Variants in CAMTA1 observed in about 807,000 individuals in gnomAD.
The protein encoded by CAMTA1 is calmodulin-binding transcription activator 1.
A neutral mutation model predicts 170.9 loss-of-function variants in CAMTA1; 27 were observed. The observed-to-expected ratio is 0.16, with a 90% CI of 0.12 to 0.22. The LOEUF (loss-of-function observed/expected upper bound fraction) is 0.22. Ranked by LOEUF, CAMTA1 falls within the 10% of genes least tolerant of loss-of-function variation. The pLI, the probability that CAMTA1 is intolerant of heterozygous loss-of-function variation, is 1.00. For synonymous variants in CAMTA1, 833 were observed against 891.5 expected (o/e 0.93, Z 1.17); for missense variants, 1,619 against 2,217.2 (o/e 0.73, Z 5.42).
Position 7,565,829 on chromosome 1 carries a change from G to A in CAMTA1, c.511-74571G>A, listed in dbSNP as rs1369552399. 6.6e-6 allele frequency among the ~76,000 whole-genome samples: 1 copy of A among 152,124 alleles called. No homozygotes were observed. The highest frequency in any genetic ancestry group is 1.5e-5 in the Non-Finnish European group (1 of 68,028). On this transcript the variant is annotated intron_variant, in intron 6 of 22. Transcript: ENST00000303635. This position sits in a 1 kb window ranked among gnomAD's most constrained non-coding sequence, Gnocchi z 4.5. ...CACTCTCACAGTTCTGGAAGCTGGA[G>A]GGCCAAGATCAGGATGCTAGCGTGG...
intron 5 of CAMTA1, chr1:7,382,867 G>GATAC (rs1218124135): frequency 6.6e-6 from 1 of 150,730 alleles, no homozygotes; most frequent in Non-Finnish European, 1.5e-5. Flanking sequence ...TAGATAGATA[G>GATAC]ATAGATATTC....
intron 3 of CAMTA1, among the ~76,000 whole-genome samples, chr1:7,072,824 G>C (rs551645690): frequency 6.6e-6 from 1 of 152,354 alleles, no homozygotes; most frequent in Admixed American, 6.5e-5. Context: ...GGAGCCTGCT[G>C]TCTGTTCAGG....
At chr1:7,553,894 A>G (rs2094842015) in intron 6 of CAMTA1, among the ~76,000 whole-genome samples, 1 of 152,212 alleles carries the variant, frequency 6.6e-6, no homozygotes, top group Admixed American at 6.5e-5. Context: ...ACCCTGTGCT[A>G]AGATGAGACC....
chr1:7,752,457 A>G lies in CAMTA1; in HGVS notation c.4884-2A>G. ...GTGACAATAATATTCTGACTTTTTC[A>G]GGAGCAGTTTGCTAACCAAAAAGCA... On this transcript the variant is annotated splice_acceptor_variant, in intron 20 of 22. Coordinates refer to ENST00000303635, the MANE Select transcript of CAMTA1 (RefSeq NM_015215.4). LOFTEE classifies it high-confidence loss of function. 1.2e-6 allele frequency: 2 copies of G among 1,613,592 alleles called. No individual in the cohort carries two copies. Among genetic ancestry groups the G allele is most frequent in the Non-Finnish European group, 1.7e-6 (2 of 1,179,660 alleles).
intron 3 of CAMTA1, among the ~76,000 whole-genome samples, chr1:6,838,527 T>C (rs1306156326): frequency 1.3e-5 from 2 of 152,310 alleles, no homozygotes; most frequent in Middle Eastern, 3.4e-3. Flanking sequence ...CACTCTGAAC[T>C]CTACCATCTG....
At chr1:6,814,620 T>C (rs1481674924) in intron 1 of CAMTA1, among the ~76,000 whole-genome samples, 2 of 152,226 alleles carry the variant, frequency 1.3e-5, no homozygotes, top group African/African-American at 2.4e-5. Context: ...TGAGCCATTA[T>C]ACAGTTAGCC....
chr1:7,696,885 T>C (rs2096382629), intron 11 of CAMTA1, among the ~76,000 whole-genome samples: 1 of 152,188 alleles, frequency 6.6e-6, no homozygotes, highest in Non-Finnish European at 1.5e-5. Context: ...GTGGGAATTC[T>C]TGCTTAGAAG....
Position 7,044,498 on chromosome 1 carries a change from C to T in CAMTA1, c.235-46806C>T, listed in dbSNP as rs144420047. On this transcript the variant is annotated intron_variant, in intron 3 of 22. Transcript: ENST00000303635. This position sits in a 1 kb window ranked among gnomAD's most constrained non-coding sequence, Gnocchi z 5.0. Reference sequence around the variant, plus strand: ...CTCTGCATGTAACCGATGGCACAAACACCAGGCCTTCAGCAGGGCCATAAG... The same window carrying T: ...CTCTGCATGTAACCGATGGCACAAATACCAGGCCTTCAGCAGGGCCATAAG... 2.2e-3 allele frequency among the ~76,000 whole-genome samples: 334 copies of T among 152,318 alleles called. 1 individual carries two copies. The highest frequency in any genetic ancestry group is 3.1e-3 in the Admixed American group (48 of 15,314).
chr1:6,953,427 T>C (rs1293620392), intron 3 of CAMTA1, among the ~76,000 whole-genome samples: 4 of 152,252 alleles, frequency 2.6e-5, no homozygotes, highest in African/African-American at 9.6e-5. Flanking sequence ...GTAGCCTTGG[T>C]GGGGGTCCTT....
At chr1:7,304,742 G>T (rs1206774294) in intron 5 of CAMTA1, among the ~76,000 whole-genome samples, 2 of 151,218 alleles carry the variant, frequency 1.3e-5, no homozygotes, top group African/African-American at 2.4e-5. Context: ...TTTCTTATCG[G>T]TTAGAAGATG....
At chr1:7,521,460 TTGTG>T (rs577852016) in intron 6 of CAMTA1, among the ~76,000 whole-genome samples, 3 of 149,730 alleles carry the variant, frequency 2.0e-5, no homozygotes, top group African/African-American at 4.9e-5. Flanking sequence ...TTACTTGCAT[TTGTG>T]TGTGTGTGTG....
chr1:6,843,681 T>C (rs1221998054), intron 3 of CAMTA1, among the ~76,000 whole-genome samples: 1 of 152,218 alleles, frequency 6.6e-6, no homozygotes, highest in East Asian at 1.9e-4. Context: ...GGTTTCACCA[T>C]GTTGGCCAGG....
intron 3 of CAMTA1, among the ~76,000 whole-genome samples, chr1:7,006,438 T>A (rs547172729): frequency 6.6e-6 from 1 of 152,288 alleles, no homozygotes; most frequent in Admixed American, 6.5e-5. Context: ...TTTATTCCAT[T>A]CATTGTTTAT....
chr1:7,600,996 A>G (rs2095435999), intron 6 of CAMTA1, among the ~76,000 whole-genome samples: 1 of 152,174 alleles, frequency 6.6e-6, no homozygotes, highest in Non-Finnish European at 1.5e-5. Flanking sequence ...TGAGCTGTTG[A>G]GTACACCTCC....
At chr1:7,434,877 C>CAAAA (rs779722434) in intron 5 of CAMTA1, among the ~76,000 whole-genome samples, 20 of 83,474 alleles carry the variant, frequency 2.4e-4, no homozygotes, top group African/African-American at 8.4e-4. Context: ...CCTGTCTCTA[C>CAAAA]AAAAAAAAAA....
intron 1 of CAMTA1, among the ~76,000 whole-genome samples, chr1:6,798,584 ATTTTTTTTTTT>A (rs548325478): frequency 8.5e-6 from 1 of 117,610 alleles, no homozygotes; most frequent in Non-Finnish European, 1.8e-5. Context: ...CACCTGGCTA[ATTTTTTTTTTT>A]TTTTTTTTTT....
At chr1:6,943,667 GA>G (rs1398759729) in intron 3 of CAMTA1, among the ~76,000 whole-genome samples, 1 of 151,874 alleles carries the variant, frequency 6.6e-6, no homozygotes, top group Non-Finnish European at 1.5e-5. Flanking sequence ...CCAACATGGT[GA>G]AACCCCCGTC....
At chr1:7,616,744 G>GC (rs57118204) in intron 6 of CAMTA1, among the ~76,000 whole-genome samples, 4 of 152,228 alleles carry the variant, frequency 2.6e-5, no homozygotes, top group Non-Finnish European at 4.4e-5. Flanking sequence ...GAGAGACGGG[G>GC]CCCCCCCACC....
At chr1:7,129,350 G>A (rs1319741934) in intron 4 of CAMTA1, among the ~76,000 whole-genome samples, 2 of 152,120 alleles carry the variant, frequency 1.3e-5, no homozygotes, top group African/African-American at 4.8e-5. Context: ...TCCCGAGAAA[G>A]GTTACCGAGA....
Sources: allele counts gnomAD v4.1 joint callset (sites outside exome capture counted in the v4.1 genomes callset), GRCh38; gene constraint gnomAD v4.1.1; non-coding constraint Gnocchi (gnomAD v3.1); transcripts MANE v1.5; gene names NCBI Gene and HGNC (gene_info 2026-07-23, HGNC 2026-07-21).